Variants in BCKDHB observed in about 807,000 individuals in gnomAD.
The protein encoded by BCKDHB is branched chain keto acid dehydrogenase E1 subunit beta, also known as 2-oxoisovalerate dehydrogenase subunit beta, mitochondrial.
A neutral mutation model predicts 48.5 loss-of-function variants in BCKDHB; 41 were observed. That is an observed-to-expected ratio of 0.85 (90% CI 0.66 to 1.10). The LOEUF is 1.10. BCKDHB is among the 50% of genes least tolerant of loss of function. BCKDHB has a pLI of 0.00. For synonymous variants in BCKDHB, 201 were observed against 174.8 expected, an observed-to-expected ratio of 1.15 and a Z score of -1.18; for missense variants, 496 against 494.2, an observed-to-expected ratio of 1.00 and a Z score of -0.03.
At chr6:80,343,064 T>G (rs9361602) in intron 9 of BCKDHB, among the ~76,000 whole-genome samples, 117,934 of 152,014 alleles carry the variant, frequency 0.78, 46,125 homozygotes, top group Admixed American at 0.84. Context: ...GCGGGAGTGA[T>G]TCCTCAGGTA....
the BCKDHB span, among the ~76,000 whole-genome samples, chr6:80,366,610 C>T: frequency 6.6e-6 from 1 of 152,164 alleles, no homozygotes; most frequent in Admixed American, 6.5e-5. Context: ...ATAAAAATCT[C>T]CCATTTTCTC....
intron 9 of BCKDHB, among the ~76,000 whole-genome samples, chr6:80,299,399 C>T (rs1767433380): frequency 6.6e-6 from 1 of 152,112 alleles, no homozygotes; most frequent in African/African-American, 2.4e-5. Context: ...TCAAGTTAGC[C>T]TTTGGTTCGG....
chr6:80,369,370 C>T, the BCKDHB span, among the ~76,000 whole-genome samples: 1 of 152,116 alleles, frequency 6.6e-6, no homozygotes, highest in South Asian at 2.1e-4. Flanking sequence ...TCTCGCATTT[C>T]CAGTTTAGAC....
intron 8 of BCKDHB, among the ~76,000 whole-genome samples, chr6:80,215,631 C>T (rs1775134915): frequency 6.6e-6 from 1 of 152,210 alleles, no homozygotes; most frequent in African/African-American, 2.4e-5. Context: ...GAAGAAAATA[C>T]ACTGAGATTA....
chr6:80,153,533 C>T (rs557817978), intron 3 of BCKDHB, among the ~76,000 whole-genome samples: 105 of 152,266 alleles, frequency 6.9e-4, no homozygotes, highest in Non-Finnish European at 1.2e-3. Context: ...GCAACGTCCT[C>T]AGTACTTCTC....
intron 3 of BCKDHB, among the ~76,000 whole-genome samples, chr6:80,149,525 T>A (rs1340928308): frequency 1.3e-5 from 2 of 151,780 alleles, no homozygotes; most frequent in East Asian, 1.9e-4. Context: ...CACACATATG[T>A]TTATTCACAC....
At chr6:80,356,408 AT>A in the BCKDHB span, 2 of 152,234 alleles carry the variant, frequency 1.3e-5, no homozygotes, top group African/African-American at 2.4e-5. Flanking sequence ...GATTTATGGT[AT>A]ATCCATATGA....
At chr6:80,388,684 C>T in the BCKDHB span, among the ~76,000 whole-genome samples, 1 of 152,238 alleles carries the variant, frequency 6.6e-6, no homozygotes, top group South Asian at 2.1e-4. Context: ...ACCCTGCCTT[C>T]TCTCTCTCAG....
the BCKDHB span, among the ~76,000 whole-genome samples, chr6:80,425,811 T>TA: frequency 6.6e-6 from 1 of 152,210 alleles, no homozygotes; most frequent in Admixed American, 6.5e-5. Flanking sequence ...CTCTCAGTTT[T>TA]AAAAAATAAA....
chr6:80,389,470 C>T, the BCKDHB span, among the ~76,000 whole-genome samples: 1 of 152,144 alleles, frequency 6.6e-6, no homozygotes, highest in South Asian at 2.1e-4. Context: ...GGTTTGTCCT[C>T]CCTGGAATAG....
chr6:80,194,648 G>A (rs1403324995), intron 6 of BCKDHB, among the ~76,000 whole-genome samples: 1 of 151,948 alleles, frequency 6.6e-6, no homozygotes, highest in Admixed American at 6.6e-5. Context: ...ATGTCTTTTT[G>A]GCAAGAATAT....
intron 6 of BCKDHB, among the ~76,000 whole-genome samples, chr6:80,181,070 A>G (rs1307762800): frequency 6.6e-6 from 1 of 152,202 alleles, no homozygotes; most frequent in East Asian, 1.9e-4. Context: ...TTTAGTTGAA[A>G]GAGTTGAACT....
chr6:80,288,730 T>A (rs637323), intron 9 of BCKDHB, among the ~76,000 whole-genome samples: 121,275 of 151,944 alleles, frequency 0.8, 48,576 homozygotes, highest in Admixed American at 0.87. Flanking sequence ...GTATTATAAT[T>A]AAAGTTAGTC....
At chr6:80,354,071 T>G in the BCKDHB span, among the ~76,000 whole-genome samples, 21 of 152,154 alleles carry the variant, frequency 1.4e-4, no homozygotes, top group South Asian at 4.1e-4. Context: ...TCTTGTAGAT[T>G]CTGGATATTA....
At chr6:80,429,906 A>C in the BCKDHB span, among the ~76,000 whole-genome samples, 8 of 152,180 alleles carry the variant, frequency 5.3e-5, no homozygotes, top group Middle Eastern at 3.2e-3. Flanking sequence ...ACTATGTTGA[A>C]TAGGATTGTT....
chr6:80,170,288 G>C (rs1215874500), intron 5 of BCKDHB, among the ~76,000 whole-genome samples: 1 of 152,062 alleles, frequency 6.6e-6, no homozygotes, highest in Admixed American at 6.6e-5. Flanking sequence ...AAATGGCTTT[G>C]AAAGCCAAAT....
At chr6:80,331,536 A>G (rs9448928) in intron 9 of BCKDHB, among the ~76,000 whole-genome samples, 2,044 of 152,266 alleles carry the variant, frequency 0.013, 43 homozygotes, top group African/African-American at 0.046. Context: ...GTTTCAGTAT[A>G]TATTCTTAGG....
At chr6:80,140,347 A>C (rs1771129572) in intron 3 of BCKDHB, among the ~76,000 whole-genome samples, 1 of 152,214 alleles carries the variant, frequency 6.6e-6, no homozygotes, top group African/African-American at 2.4e-5. Context: ...TATGTTGAAC[A>C]GGAGTGGTGA....
the BCKDHB span, among the ~76,000 whole-genome samples, chr6:80,460,618 C>T: frequency 6.6e-6 from 1 of 152,076 alleles, no homozygotes; most frequent in Non-Finnish European, 1.5e-5. Context: ...GTTGAAGAGA[C>T]TTGGAGCTCC....
Sources: gnomAD v4.1 joint callset for allele counts (sites outside exome capture counted in the v4.1 genomes callset) on GRCh38, gnomAD v4.1.1 for gene constraint, MANE v1.5 for transcripts, NCBI Gene and HGNC (gene_info 2026-07-23, HGNC 2026-07-21) for gene names.